NIPAL2: variants seen among roughly 807,000 people sequenced by gnomAD.
NIPAL2 encodes the protein NIPA-like protein 2.
A neutral mutation model predicts 48.9 loss-of-function variants in NIPAL2; 43 were observed. The ratio of observed to expected loss-of-function variants is 0.88; its 90% CI spans 0.69 to 1.13. NIPAL2 has a LOEUF of 1.13. Ranked by LOEUF, NIPAL2 falls within the 50% of genes most tolerant of loss-of-function variation. The pLI is 0.00. For missense variants in NIPAL2, 446 were observed against 461.4 expected (o/e 0.97, Z 0.31); for synonymous variants, 167 against 174.6 (o/e 0.96, Z 0.34).
chr8:98,249,629 T>C (rs1813480562), intron 3 of NIPAL2, among the ~76,000 whole-genome samples: 1 of 147,588 alleles, frequency 6.8e-6, no homozygotes, highest in African/African-American at 2.5e-5. Flanking sequence ...TATAACATAA[T>C]ACAATTTAAT....
chr8:98,249,563 T>C (rs1813473973), intron 3 of NIPAL2, among the ~76,000 whole-genome samples: 1 of 149,052 alleles, frequency 6.7e-6, no homozygotes. Flanking sequence ...ATTGAACACA[T>C]ATTCAATTAA....
chr8:98,231,875 A>G (rs1191753334), intron 4 of NIPAL2: 3 of 152,178 alleles, frequency 2.0e-5, no homozygotes, highest in Non-Finnish European at 4.4e-5. Flanking sequence ...GAGAAAAATA[A>G]ATGATTTTCC....
chr8:98,205,269 C>T (rs1432886822), intron 6 of NIPAL2, 23 bp from the exon 7 acceptor site: 2 of 1,591,886 alleles, frequency 1.3e-6, no homozygotes, highest in Non-Finnish European at 1.7e-6. Context: ...ACAAAAAACA[C>T]AAATAAAGAA....
chr8:98,258,323 A>G (rs1814031736), intron 1 of NIPAL2, among the ~76,000 whole-genome samples: 1 of 152,236 alleles, frequency 6.6e-6, no homozygotes. Context: ...CTGTACATCA[A>G]TGACAATGTG....
chr8:98,280,362 G>A (rs961003401), intron 1 of NIPAL2, among the ~76,000 whole-genome samples: 2 of 152,128 alleles, frequency 1.3e-5, no homozygotes, highest in Admixed American at 1.3e-4. Flanking sequence ...ACTCACAACT[G>A]GAATAATGCT....
At chr8:98,280,921 T>C (rs150536043) in intron 1 of NIPAL2, among the ~76,000 whole-genome samples, 7,423 of 151,778 alleles carry the variant, frequency 0.049, 256 homozygotes, top group Non-Finnish European at 0.071. Context: ...TAAAAAATTT[T>C]AAATACACCC....
intron 4 of NIPAL2, among the ~76,000 whole-genome samples, chr8:98,229,060 G>C (rs1187886753): frequency 6.6e-6 from 1 of 152,126 alleles, no homozygotes; most frequent in African/African-American, 2.4e-5. Flanking sequence ...GACAGCTGTG[G>C]GTAAGCTGCA....
intron 4 of NIPAL2, chr8:98,231,969 G>A (rs1812461383): frequency 6.6e-6 from 1 of 151,972 alleles, no homozygotes; most frequent in Admixed American, 6.6e-5. Context: ...TTACCTGTTT[G>A]GTTTTAGTCC....
intron 4 of NIPAL2, among the ~76,000 whole-genome samples, chr8:98,231,401 T>C (rs1317745019): frequency 6.6e-6 from 1 of 152,148 alleles, no homozygotes; most frequent in Non-Finnish European, 1.5e-5. Flanking sequence ...GTGTGGGAAA[T>C]GGAAGGAAGG....
intron 1 of NIPAL2, among the ~76,000 whole-genome samples, chr8:98,263,988 A>G (rs1027245658): frequency 3.9e-4 from 57 of 144,322 alleles, no homozygotes; most frequent in African/African-American, 1.3e-3. Context: ...ACGCAAATCA[A>G]TAAATGTAAT....
Position 98,217,065 on chromosome 8 carries a change from C to T in NIPAL2, c.559-4564G>A, listed in dbSNP as rs577088353. 1.2e-5 allele frequency: 12 copies of T among 985,460 alleles called. No homozygotes were observed. In the South Asian group the frequency reaches 5.2e-4, roughly 42 times the overall value. The allele number at this position is 985,460 out of a possible 1,614,324, so 61.0% of individuals were successfully genotyped here. A position where few individuals can be genotyped will look rare whatever the true frequency, so the allele number is the denominator to read the frequency against. ...TAGTTTGACCTTGAAAACTCCACTC[C>T]TCTTTGCATTTTGGCAAGGATGGGG... is the stretch of plus-strand genomic sequence containing the variant. On this transcript the variant is annotated intron_variant, in intron 5 of 10. Coordinates refer to ENST00000430223, the MANE Select transcript of NIPAL2 (RefSeq NM_001321635.2).
chr8:98,253,884 A>G (rs1813732068), intron 2 of NIPAL2, 135 bp downstream of exon 2: 1 of 535,334 alleles, frequency 1.9e-6, no homozygotes, highest in Non-Finnish European at 3.3e-6. Flanking sequence ...TATACCAATG[A>G]GGTCATAAAA....
intron 1 of NIPAL2, among the ~76,000 whole-genome samples, chr8:98,289,996 C>T (rs1310540533): frequency 1.3e-5 from 2 of 152,208 alleles, no homozygotes; most frequent in Non-Finnish European, 2.9e-5. Flanking sequence ...CTCGCATGGA[C>T]TCTTACCACA....
At chr8:98,251,824 A>G (rs1014953158) in intron 3 of NIPAL2, 1 of 152,202 alleles carries the variant, frequency 6.6e-6, no homozygotes, top group Non-Finnish European at 1.5e-5. Context: ...CCATAGCAGC[A>G]GATAAAGAGT....
chr8:98,243,412 T>C (rs1350380269), intron 3 of NIPAL2, among the ~76,000 whole-genome samples: 1 of 152,118 alleles, frequency 6.6e-6, no homozygotes, highest in South Asian at 2.1e-4. Context: ...TGTCTAGATG[T>C]GGGGGAGGGT....
At chr8:98,264,397 A>T (rs1193710257) in intron 1 of NIPAL2, among the ~76,000 whole-genome samples, 1 of 143,542 alleles carries the variant, frequency 7.0e-6, no homozygotes. Context: ...TCTCAGCCCA[A>T]AATCTCCTTA....
intron 1 of NIPAL2, among the ~76,000 whole-genome samples, chr8:98,258,025 T>C (rs1814014239): frequency 6.6e-6 from 1 of 152,206 alleles, no homozygotes; most frequent in Admixed American, 6.5e-5. Context: ...CCATAGGCCA[T>C]TGGTCACTCA....
chr8:98,242,466 C>G (rs542557298), intron 3 of NIPAL2, among the ~76,000 whole-genome samples: 1 of 147,438 alleles, frequency 6.8e-6, no homozygotes, highest in African/African-American at 2.5e-5. Context: ...AGATTACAGG[C>G]AAAAGCCACT....
intron 4 of NIPAL2, among the ~76,000 whole-genome samples, chr8:98,227,961 GA>G (rs1352673456): frequency 6.6e-6 from 1 of 152,234 alleles, no homozygotes; most frequent in Non-Finnish European, 1.5e-5. Context: ...TCTCTGGATA[GA>G]GCTGGTCTAA....
Sources: allele counts gnomAD v4.1 joint callset (sites outside exome capture counted in the v4.1 genomes callset), GRCh38; gene constraint gnomAD v4.1.1; transcripts MANE v1.5; gene names NCBI Gene and HGNC (gene_info 2026-07-23, HGNC 2026-07-21).